FRMD6: variants seen among roughly 807,000 people sequenced by gnomAD.
FRMD6 encodes the protein FERM domain-containing protein 6.
A neutral mutation model predicts 73.2 loss-of-function variants in FRMD6; 37 were observed. The observed-to-expected ratio is 0.51, with a 90% CI of 0.39 to 0.66. FRMD6 has a LOEUF of 0.66. Ranked by LOEUF, FRMD6 falls within the 30% of genes least tolerant of loss-of-function variation. The probability of loss-of-function intolerance (pLI) is 0.00; values close to 1 mark genes in which losing one functional copy is unlikely to be tolerated. For synonymous variants in FRMD6, 273 were observed against 282.2 expected (o/e 0.97, Z 0.33); for missense variants, 714 against 780.5 (o/e 0.91, Z 1.02).
chr14:51,496,027 G>T (rs1357158195), intron 1 of FRMD6, among the ~76,000 whole-genome samples: 1 of 152,146 alleles, frequency 6.6e-6, no homozygotes, highest in East Asian at 1.9e-4. Flanking sequence ...GAGAAGTGAT[G>T]ATATGTTACT....
At chr14:51,579,289 C>A (rs1888579307) in intron 2 of FRMD6, 1 of 152,102 alleles carries the variant, frequency 6.6e-6, no homozygotes, top group Non-Finnish European at 1.5e-5. Context: ...TAATAAAGAA[C>A]AAATTCCTTA....
chr14:51,482,510 A>G, the FRMD6 span, among the ~76,000 whole-genome samples: 1 of 152,078 alleles, frequency 6.6e-6, no homozygotes, highest in Non-Finnish European at 1.5e-5. Flanking sequence ...TGTGCATTTT[A>G]CTCCCTCTAT....
the FRMD6 span, among the ~76,000 whole-genome samples, chr14:51,411,425 G>A: frequency 3.6e-3 from 542 of 152,294 alleles, 11 homozygotes; most frequent in East Asian, 0.042. Context: ...AGAGGCAGTC[G>A]GTGGAGGGGA....
intron 1 of FRMD6, chr14:51,546,624 C>G (rs1886489342): frequency 7.0e-6 from 1 of 142,090 alleles, no homozygotes; most frequent in South Asian, 2.3e-4. Context: ...TGTTATTACA[C>G]TAAGATAAAA....
chr14:51,705,775 A>G (rs914699169), intron 6 of FRMD6, among the ~76,000 whole-genome samples: 2 of 152,048 alleles, frequency 1.3e-5, no homozygotes, highest in South Asian at 2.1e-4. Flanking sequence ...AGGTTGCTTT[A>G]TATCAATACA....
At chr14:51,726,837 A>G (rs929619610) in intron 13 of FRMD6, among the ~76,000 whole-genome samples, 2 of 152,162 alleles carry the variant, frequency 1.3e-5, no homozygotes, top group African/African-American at 4.8e-5. Context: ...TCCTAGTAAA[A>G]CATGCTTCTG....
the FRMD6 span, among the ~76,000 whole-genome samples, chr14:51,471,041 T>A: frequency 6.6e-6 from 1 of 152,212 alleles, no homozygotes; most frequent in African/African-American, 2.4e-5. Context: ...AGTATTTATG[T>A]AGATGTTTTT....
At chr14:51,490,728 C>T (rs766717919) in intron 1 of FRMD6, among the ~76,000 whole-genome samples, 8 of 151,934 alleles carry the variant, frequency 5.3e-5, no homozygotes, top group Non-Finnish European at 8.8e-5. Context: ...GTGCAGTTAC[C>T]GTAGCAGAAT....
chr14:51,585,939 G>GTATA (rs3060587), intron 2 of FRMD6, among the ~76,000 whole-genome samples: 1,886 of 31,436 alleles, frequency 0.06, 284 homozygotes, highest in African/African-American at 0.11. Flanking sequence ...GTGTGTGTGT[G>GTATA]TATATATATA....
chr14:51,610,912 A>G (rs1890466130), intron 2 of FRMD6, among the ~76,000 whole-genome samples: 1 of 152,202 alleles, frequency 6.6e-6, no homozygotes, highest in South Asian at 2.1e-4. Context: ...CTTTCAACCC[A>G]TGGTTGTGGC....
Position 51,729,387 on chromosome 14 carries a change from T to C in FRMD6, c.*1358T>C, listed in dbSNP as rs1335069007. 1 of 152,646 alleles carries C rather than the reference T, an allele frequency of 6.6e-6. No individual in the cohort carries two copies. Among genetic ancestry groups the C allele is most frequent in the African/African-American group, 2.4e-5 (1 of 41,456 alleles). 9.5% of individuals were successfully genotyped at this position (152,646 alleles called of 1,614,324 possible). On this transcript the variant is annotated 3_prime_UTR_variant, in exon 14 of 14. Coordinates refer to ENST00000344768, the MANE Select transcript of FRMD6 (RefSeq NM_001267046.2). The stretch of plus-strand genomic sequence containing the variant: ...CCATTTTTAAGACAGTTACCTGTTG[T>C]GCTGCTGTTACAATATATAATGAAA...
chr14:51,582,225 GA>G (rs2139666208), intron 2 of FRMD6, among the ~76,000 whole-genome samples: 1 of 152,308 alleles, frequency 6.6e-6, no homozygotes, highest in Admixed American at 6.5e-5. Context: ...TTTATGTGGG[GA>G]AGGGCAGAAG....
chr14:51,517,036 C>T (rs1305381733), intron 1 of FRMD6, among the ~76,000 whole-genome samples: 1 of 152,164 alleles, frequency 6.6e-6, no homozygotes, highest in Non-Finnish European at 1.5e-5. Flanking sequence ...TTTCAATTCC[C>T]TTTATCATTA....
At chr14:51,523,326 G>A (rs2140302317) in intron 1 of FRMD6, among the ~76,000 whole-genome samples, 1 of 152,206 alleles carries the variant, frequency 6.6e-6, no homozygotes, top group Admixed American at 6.5e-5. Context: ...CTCCCAGCAT[G>A]AAAAACAGGC....
chr14:51,465,485 C>T, the FRMD6 span, among the ~76,000 whole-genome samples: 13 of 152,310 alleles, frequency 8.5e-5, no homozygotes, highest in South Asian at 1.4e-3. Flanking sequence ...TTTTCTGCAA[C>T]TACAAATTGA....
chr14:51,668,455 AC>A (rs1003949119), intron 1 of FRMD6, among the ~76,000 whole-genome samples: 11 of 151,858 alleles, frequency 7.2e-5, no homozygotes, highest in African/African-American at 2.7e-4. Flanking sequence ...ACAGGCATGC[AC>A]TACCATGCTC....
At chr14:51,436,870 A>AG in the FRMD6 span, 1 of 758,354 alleles carries the variant, frequency 1.3e-6, no homozygotes, top group East Asian at 3.5e-5. Context: ...AAGGATTAGA[A>AG]GGTATTGATG....
intron 1 of FRMD6, among the ~76,000 whole-genome samples, chr14:51,658,988 A>C (rs1369199981): frequency 6.6e-6 from 1 of 152,252 alleles, no homozygotes; most frequent in African/African-American, 2.4e-5. Context: ...ACAAGTAAAA[A>C]ATATGCTGAC....
the FRMD6 span, among the ~76,000 whole-genome samples, chr14:51,428,889 T>C: frequency 4.7e-5 from 7 of 148,886 alleles, no homozygotes; most frequent in Non-Finnish European, 1.0e-4. Context: ...GTGAAGACTA[T>C]GAAGATATTC....
Sources: gnomAD v4.1 joint callset for allele counts (sites outside exome capture counted in the v4.1 genomes callset) on GRCh38, gnomAD v4.1.1 for gene constraint, MANE v1.5 for transcripts, NCBI Gene and HGNC (gene_info 2026-07-23, HGNC 2026-07-21) for gene names.